The following GPC5 variants were observed in gnomAD, a reference collection of about 807,000 sequenced individuals.
GPC5 encodes glypican-5.
Under a neutral mutation model 53.9 loss-of-function variants are expected in GPC5, and 47 were observed. The observed-to-expected ratio is 0.87, with a 90% CI of 0.69 to 1.11. The LOEUF (loss-of-function observed/expected upper bound fraction) is 1.11, where lower values mean the gene tolerates loss of function less well. Among genes scored for constraint, GPC5 ranks in the 50% most tolerant of loss-of-function variants. The pLI is 0.00. For synonymous variants in GPC5, 286 were observed against 263.3 expected (o/e 1.09, Z -0.84); for missense variants, 748 against 713.1 (o/e 1.05, Z -0.56).
chr13:92,282,390 C>T (rs557940936), intron 7 of GPC5, among the ~76,000 whole-genome samples: 23 of 152,142 alleles, frequency 1.5e-4, no homozygotes, highest in African/African-American at 1.2e-4. Context: ...TCAGGAAATA[C>T]GGAGAACGCC....
intron 7 of GPC5, among the ~76,000 whole-genome samples, chr13:92,787,183 A>G (rs1267431668): frequency 6.6e-6 from 1 of 152,166 alleles, no homozygotes; most frequent in Admixed American, 6.6e-5. Context: ...AAAGTAAGTA[A>G]AACAACCCAA....
chr13:91,402,090 A>G (rs1044856154), intron 1 of GPC5, among the ~76,000 whole-genome samples: 4 of 152,196 alleles, frequency 2.6e-5, no homozygotes, highest in African/African-American at 9.6e-5. Context: ...TTGCACATGC[A>G]TTGTGCATTG....
chr13:91,917,455 G>A (rs1240482519), intron 6 of GPC5, among the ~76,000 whole-genome samples: 6 of 152,154 alleles, frequency 3.9e-5, no homozygotes, highest in African/African-American at 1.4e-4. Flanking sequence ...CAGCAGTAGG[G>A]TCCAAGCTGT....
intron 2 of GPC5, among the ~76,000 whole-genome samples, chr13:91,596,098 G>T (rs2032984713): frequency 6.6e-6 from 1 of 152,022 alleles, no homozygotes; most frequent in African/African-American, 2.4e-5. Context: ...TTATCATTAG[G>T]AATGATCTTT....
At chr13:92,415,121 G>A (rs182309249) in intron 7 of GPC5, among the ~76,000 whole-genome samples, 18 of 152,304 alleles carry the variant, frequency 1.2e-4, no homozygotes, top group African/African-American at 2.6e-4. Flanking sequence ...TGGGAGATGC[G>A]AGAAACATAA....
At chr13:92,155,462 A>T (rs2041937079) in intron 7 of GPC5, among the ~76,000 whole-genome samples, 1 of 152,110 alleles carries the variant, frequency 6.6e-6, no homozygotes, top group Non-Finnish European at 1.5e-5. Context: ...TGCATAGTGT[A>T]CTTTTTCAAT....
intron 7 of GPC5, among the ~76,000 whole-genome samples, chr13:92,519,307 C>T (rs1440031535): frequency 2.0e-5 from 3 of 152,178 alleles, no homozygotes; most frequent in Non-Finnish European, 4.4e-5. Context: ...CTCTCCACCC[C>T]AAATCAACAG....
At chr13:92,555,820 A>C (rs545346942) in intron 7 of GPC5, among the ~76,000 whole-genome samples, 6 of 150,800 alleles carry the variant, frequency 4.0e-5, no homozygotes, top group African/African-American at 1.2e-4. Flanking sequence ...AGCAAAATAC[A>C]TCTGCTACAG....
At chr13:92,512,929 C>T (rs933793059) in intron 7 of GPC5, among the ~76,000 whole-genome samples, 3 of 152,146 alleles carry the variant, frequency 2.0e-5, no homozygotes, top group Admixed American at 1.3e-4. Flanking sequence ...TGGTTTTGCT[C>T]ATAAATTGAA....
chr13:91,674,463 G>A (rs1224094962), intron 2 of GPC5, among the ~76,000 whole-genome samples: 47 of 138,984 alleles, frequency 3.4e-4, no homozygotes, highest in Non-Finnish European at 3.6e-4. Context: ...ACACACACAC[G>A]CACATATACA....
At chr13:92,774,217 T>G (rs542832368) in intron 7 of GPC5, among the ~76,000 whole-genome samples, 2 of 152,248 alleles carry the variant, frequency 1.3e-5, no homozygotes, top group Admixed American at 1.3e-4. Flanking sequence ...AGTCAACTTT[T>G]TCCAGCCATA....
At chr13:91,574,626 A>C (rs1323023109) in intron 2 of GPC5, among the ~76,000 whole-genome samples, 1 of 152,172 alleles carries the variant, frequency 6.6e-6, no homozygotes, top group East Asian at 1.9e-4. Context: ...GTTGCTGGCA[A>C]GATGAAGTAC....
At chr13:92,000,794 C>A (rs1270525180) in intron 6 of GPC5, among the ~76,000 whole-genome samples, 1 of 152,082 alleles carries the variant, frequency 6.6e-6, no homozygotes, top group Non-Finnish European at 1.5e-5. Flanking sequence ...CTGAGAGGAA[C>A]CATACCTTTT....
intron 6 of GPC5, among the ~76,000 whole-genome samples, chr13:91,957,329 C>G (rs1276546309): frequency 6.6e-6 from 1 of 152,054 alleles, no homozygotes; most frequent in Non-Finnish European, 1.5e-5. Flanking sequence ...ATGTGGAACA[C>G]CATAAAGCAA....
intron 4 of GPC5, among the ~76,000 whole-genome samples, chr13:91,744,865 G>A (rs342716): frequency 0.73 from 111,402 of 151,958 alleles, 40,922 homozygotes; most frequent in Middle Eastern, 0.82. Context: ...TGAAGAGCAT[G>A]TATTAATATC....
At chr13:92,397,892 C>G (rs750741162) in intron 7 of GPC5, among the ~76,000 whole-genome samples, 7 of 151,918 alleles carry the variant, frequency 4.6e-5, no homozygotes, top group Non-Finnish European at 8.8e-5. Context: ...ATATAAGGTA[C>G]CATAATAGGT....
intron 2 of GPC5, among the ~76,000 whole-genome samples, chr13:91,558,699 G>T (rs972906135): frequency 6.6e-6 from 1 of 152,030 alleles, no homozygotes. Flanking sequence ...ATTTTCTAGA[G>T]ATACGTTGAG....
chr13:92,112,117 G>A (rs2041562006), intron 6 of GPC5, among the ~76,000 whole-genome samples: 1 of 152,122 alleles, frequency 6.6e-6, no homozygotes, highest in African/African-American at 2.4e-5. Flanking sequence ...AAGAGTTTGA[G>A]TGGAAGGTAA....
chr13:92,161,393 A>G (rs2041986968), intron 7 of GPC5, among the ~76,000 whole-genome samples: 1 of 152,216 alleles, frequency 6.6e-6, no homozygotes, highest in Admixed American at 6.5e-5. Context: ...TCTGAAGTGC[A>G]AGAATGCCTG....
Sources: allele counts gnomAD v4.1 joint callset (sites outside exome capture counted in the v4.1 genomes callset), GRCh38; gene constraint gnomAD v4.1.1; transcripts MANE v1.5; gene names NCBI Gene and HGNC (gene_info 2026-07-23, HGNC 2026-07-21).